MTA3: variants seen among roughly 807,000 people sequenced by gnomAD.
MTA3 encodes the protein metastasis associated 1 family member 3.
MTA3 carries 34 observed loss-of-function variants against 83.5 expected under a neutral mutation model. The ratio of observed to expected loss-of-function variants is 0.41; its 90% CI spans 0.31 to 0.54. The LOEUF (loss-of-function observed/expected upper bound fraction) is 0.54. Among genes scored for constraint, MTA3 ranks in the 20% least tolerant of loss-of-function variants. The probability of loss-of-function intolerance (pLI) is 0.33; values close to 1 mark genes in which losing one functional copy is unlikely to be tolerated. For missense variants in MTA3, 761 were observed against 726.4 expected (o/e 1.05, Z -0.55); for synonymous variants, 303 against 252.7 (o/e 1.20, Z -1.89).
intron 2 of MTA3, among the ~76,000 whole-genome samples, chr2:42,570,932 G>C (rs1678404923): frequency 6.6e-6 from 1 of 151,988 alleles, no homozygotes; most frequent in Non-Finnish European, 1.5e-5. Context: ...AGAATCGCTT[G>C]AACCCGGGAG....
At chr2:42,604,569 CTTTTCTTT>C (rs1330521880) in intron 3 of MTA3, among the ~76,000 whole-genome samples, 6 of 47,470 alleles carry the variant, frequency 1.3e-4, no homozygotes, top group Non-Finnish European at 1.8e-4. Flanking sequence ...CTGAATGTTT[CTTTTCTTT>C]TTTTTTTTTT....
At chr2:42,586,702 C>T (rs1680375413) in intron 3 of MTA3, among the ~76,000 whole-genome samples, 1 of 151,944 alleles carries the variant, frequency 6.6e-6, no homozygotes, top group Admixed American at 6.6e-5. Flanking sequence ...AGGCCAGGAC[C>T]AGCATGGCAA....
intron 6 of MTA3, among the ~76,000 whole-genome samples, chr2:42,649,805 T>C (rs960849227): frequency 1.3e-5 from 2 of 152,170 alleles, no homozygotes; most frequent in African/African-American, 4.8e-5. Flanking sequence ...GGGGAAAAAT[T>C]ACATTCTGCA....
intron 1 of MTA3, among the ~76,000 whole-genome samples, chr2:42,569,029 T>C (rs1293591297): frequency 2.0e-5 from 3 of 151,644 alleles, no homozygotes; most frequent in Non-Finnish European, 4.4e-5. Context: ...AGGCCTCTAC[T>C]TGGGGGTACG....
chr2:42,495,153 A>G (rs750253470), intron 1 of MTA3: 1 of 152,612 alleles, frequency 6.6e-6, no homozygotes, highest in African/African-American at 2.4e-5. Context: ...TACTTTTCGT[A>G]ATTTTGTAGG....
chr2:42,596,827 T>TG (rs1459174068), intron 3 of MTA3, among the ~76,000 whole-genome samples: 1 of 150,062 alleles, frequency 6.7e-6, no homozygotes, highest in Non-Finnish European at 1.5e-5. Context: ...AAATCCTTAA[T>TG]TTTTTTTTTG....
intron 16 of MTA3, among the ~76,000 whole-genome samples, chr2:42,728,399 A>G (rs1047025606): frequency 6.6e-6 from 1 of 152,232 alleles, no homozygotes; most frequent in Non-Finnish European, 1.5e-5. Context: ...TGCAGTAAAC[A>G]TGGGAGTGCA....
chr2:42,568,620 C>G (rs1486908888), upstream of MTA3: 8 of 370,352 alleles, frequency 2.2e-5, no homozygotes, highest in African/African-American at 1.6e-4. Flanking sequence ...TCCCTTCCCT[C>G]CCTTCCCCCC....
At chr2:42,536,379 G>A (rs1676235886) in intron 2 of MTA3, among the ~76,000 whole-genome samples, 7 of 151,926 alleles carry the variant, frequency 4.6e-5, no homozygotes, top group Admixed American at 4.6e-4. Context: ...GGAGACTGAG[G>A]CAGGAGAATT....
intron 16 of MTA3, among the ~76,000 whole-genome samples, chr2:42,737,092 G>T (rs544375640): frequency 9.9e-5 from 15 of 152,244 alleles, no homozygotes; most frequent in African/African-American, 3.6e-4. Flanking sequence ...GCCTGAGACT[G>T]GGGGAAGTGT....
intron 10 of MTA3, among the ~76,000 whole-genome samples, 155 bp from the exon 11 acceptor site, chr2:42,697,621 A>T (rs1440349575): frequency 1.3e-5 from 2 of 152,192 alleles, no homozygotes; most frequent in Non-Finnish European, 2.9e-5. Context: ...CTTAGACATT[A>T]TTGCAGTTTA....
chr2:42,582,018 G>A (rs1161589625), intron 3 of MTA3: 1 of 152,654 alleles, frequency 6.6e-6, no homozygotes, highest in East Asian at 1.9e-4. Flanking sequence ...TCAAAATGCT[G>A]GTATTACAGG....
intron 2 of MTA3, among the ~76,000 whole-genome samples, chr2:42,505,740 A>G (rs1433319259): frequency 6.6e-6 from 1 of 151,718 alleles, no homozygotes; most frequent in Admixed American, 6.6e-5. Context: ...GTGGGAATAT[A>G]GATGAAACGA....
chr2:42,497,832 C>A lies in MTA3; in HGVS notation c.-141+2578C>A, dbSNP rs560660405. On this transcript the variant is annotated intron_variant, in intron 2 of 17. Transcript: ENST00000405592. ...GAAACATCTCACTTCATGTATGCTT[C>A]CTTTAGCCCAAATCAGCCATGCTCA... Among the ~76,000 whole-genome samples the A allele has an allele frequency of 2.0e-5, 3 of 152,194 alleles. No homozygotes were observed. The East Asian group carries it at 5.8e-4, about 29-fold the overall frequency.
upstream of MTA3, among the ~76,000 whole-genome samples, chr2:42,565,349 CTTTT>C (rs773703863): frequency 3.0e-5 from 4 of 133,954 alleles, no homozygotes; most frequent in Non-Finnish European, 3.3e-5. Flanking sequence ...AACTGGCTAA[CTTTT>C]TTTTTTTTTT....
chr2:42,595,375 G>T (rs565210326), intron 3 of MTA3, among the ~76,000 whole-genome samples: 1 of 152,168 alleles, frequency 6.6e-6, no homozygotes, highest in South Asian at 2.1e-4. Flanking sequence ...CTCCCAAAGT[G>T]CTGGGATTAC....
exon 1 of MTA3, chr2:42,494,866 C>T (rs1166780738): frequency 6.6e-6 from 1 of 152,312 alleles, no homozygotes; most frequent in Non-Finnish European, 1.5e-5. Flanking sequence ...CCCGTGAAGG[C>T]TCCGCAGAGC....
chr2:42,508,815 ATG>A (rs1177006860), intron 2 of MTA3, among the ~76,000 whole-genome samples: 1 of 146,892 alleles, frequency 6.8e-6, no homozygotes, highest in Non-Finnish European at 1.5e-5. Context: ...TAAATTATAT[ATG>A]ATATATATGA....
intron 2 of MTA3, among the ~76,000 whole-genome samples, chr2:42,525,185 TTTCTTC>T (rs201405587): frequency 7.8e-6 from 1 of 127,394 alleles, no homozygotes; most frequent in Admixed American, 7.7e-5. Context: ...TCAATTTCTT[TTTCTTC>T]TTCTTCTTTT....
Sources: gnomAD v4.1 joint callset for allele counts (sites outside exome capture counted in the v4.1 genomes callset) on GRCh38, gnomAD v4.1.1 for gene constraint, MANE v1.5 for transcripts, NCBI Gene and HGNC (gene_info 2026-07-23, HGNC 2026-07-21) for gene names.